MERTK: variants seen among roughly 807,000 people sequenced by gnomAD.
The protein encoded by MERTK is MER proto-oncogene, tyrosine kinase.
Under a neutral mutation model 99.3 loss-of-function variants are expected in MERTK, and 69 were observed. The observed-to-expected ratio is 0.70, with a 90% CI of 0.57 to 0.85. The LOEUF (loss-of-function observed/expected upper bound fraction) is 0.85, where lower values mean the gene tolerates loss of function less well. MERTK is among the 40% of genes least tolerant of loss of function. The pLI, the probability that MERTK is intolerant of heterozygous loss-of-function variation, is 0.00. For synonymous variants in MERTK, 426 were observed against 467.6 expected (o/e 0.91, Z 1.15); for missense variants, 1,125 against 1,249.4 (o/e 0.90, Z 1.50).
chr2:111,919,783 TTTTTCTTTTTC>T (rs1455988141), intron 1 of MERTK, among the ~76,000 whole-genome samples: 1 of 148,518 alleles, frequency 6.7e-6, no homozygotes, highest in Non-Finnish European at 1.5e-5. Flanking sequence ...TTTTTGATGT[TTTTTCTTTTTC>T]TTTTCTTTTT....
At chr2:111,959,380 A>G (rs1410368587) in intron 4 of MERTK, among the ~76,000 whole-genome samples, 1 of 152,098 alleles carries the variant, frequency 6.6e-6, no homozygotes, top group Non-Finnish European at 1.5e-5. Context: ...CAAAAGAAAA[A>G]AGACCTCTCT....
At chr2:111,962,163 G>T (rs887874082) in intron 4 of MERTK, among the ~76,000 whole-genome samples, 1 of 152,174 alleles carries the variant, frequency 6.6e-6, no homozygotes, top group Non-Finnish European at 1.5e-5. Flanking sequence ...AGATATAGAA[G>T]TTTCCAGATT....
At position 111,957,609 on chromosome 2, in the gene MERTK, C is replaced by T. The variant is rs143975819; in HGVS notation, c.758-7582C>T. ...AGGTTATTATTTATTGCCCATTTCT[C>T]CCCCTGAAAATGTGAGCTCTATAAG... On this transcript the variant is annotated intron_variant, in intron 4 of 18. Coordinates refer to ENST00000295408, the MANE Select transcript of MERTK (RefSeq NM_006343.3). Among the ~76,000 whole-genome samples, 828 of 152,290 alleles carry T rather than the reference C, an allele frequency of 5.4e-3. 7 individuals carry two copies. The highest frequency in any genetic ancestry group is 0.019 in the African/African-American group (799 of 41,548).
At chr2:111,911,170 A>G (rs1202318063) in intron 1 of MERTK, among the ~76,000 whole-genome samples, 1 of 152,096 alleles carries the variant, frequency 6.6e-6, no homozygotes, top group African/African-American at 2.4e-5. Flanking sequence ...ACAAGGGGAA[A>G]TGGGTGCTGA....
At chr2:111,914,495 T>C (rs926931033) in intron 1 of MERTK, among the ~76,000 whole-genome samples, 1 of 152,208 alleles carries the variant, frequency 6.6e-6, no homozygotes, top group Non-Finnish European at 1.5e-5. Context: ...GCCATGCTGG[T>C]CTTGAACTCC....
At chr2:112,026,539 T>C (rs1677464541) in intron 18 of MERTK, among the ~76,000 whole-genome samples, 1 of 152,252 alleles carries the variant, frequency 6.6e-6, no homozygotes, top group South Asian at 2.1e-4. Context: ...ACAGAAACCG[T>C]CTGTCAAGTC....
chr2:111,917,653 G>A (rs531581854), intron 1 of MERTK, among the ~76,000 whole-genome samples: 10 of 152,212 alleles, frequency 6.6e-5, no homozygotes, highest in African/African-American at 2.2e-4. Context: ...TTGGGAGGCC[G>A]AGGTGGGCGG....
intron 10 of MERTK, among the ~76,000 whole-genome samples, chr2:111,999,683 A>G (rs1001953719): frequency 6.6e-6 from 1 of 152,320 alleles, no homozygotes; most frequent in Non-Finnish European, 1.5e-5. Context: ...TTCCCCTATT[A>G]TTAACAGCTT....
chr2:111,993,856 G>C (rs774316331), intron 8 of MERTK, among the ~76,000 whole-genome samples: 1 of 152,200 alleles, frequency 6.6e-6, no homozygotes, highest in Admixed American at 6.5e-5. Context: ...TCAAGGGCAG[G>C]TGGCAGGTGG....
At chr2:111,954,161 C>T (rs1685105961) in intron 4 of MERTK, among the ~76,000 whole-genome samples, 1 of 152,206 alleles carries the variant, frequency 6.6e-6, no homozygotes, top group African/African-American at 2.4e-5. Context: ...GTCTGAGACC[C>T]ATTGGGGCTT....
chr2:112,025,493 C>T (rs555939464), intron 18 of MERTK, among the ~76,000 whole-genome samples: 1 of 152,326 alleles, frequency 6.6e-6, no homozygotes, highest in East Asian at 1.9e-4. Context: ...TTATATCCAC[C>T]TTCCCCATCT....
In MERTK at chr2:111,929,738, C is replaced by T. The variant is rs527958949; in HGVS notation, c.482+198C>T. 1.2e-4 allele frequency among the ~76,000 whole-genome samples: 17 copies of T among 146,256 alleles called. No individual in the cohort carries two copies. In the South Asian group the frequency reaches 3.7e-3, roughly 32 times the overall value. On this transcript the variant is annotated intron_variant, in intron 2 of 18. Transcript: ENST00000295408. ...CGTAGCTGGGATTACAGGCGCCCAC[C>T]ACCACACCCAGCTAATTTTTTTTTT...
At chr2:111,914,101 C>CTTTTTTTTTTTTTTTTT (rs765850254) in intron 1 of MERTK, among the ~76,000 whole-genome samples, 41 of 94,458 alleles carry the variant, frequency 4.3e-4, no homozygotes, top group South Asian at 6.4e-4. Flanking sequence ...TTCTTTCTTT[C>CTTTTTTTTTTTTTTTTT]TTTTTTTTTT....
chr2:111,923,459 G>A (rs890102882), intron 1 of MERTK, among the ~76,000 whole-genome samples: 2 of 152,172 alleles, frequency 1.3e-5, no homozygotes, highest in Admixed American at 6.5e-5. Flanking sequence ...GTGGCCCCTG[G>A]AGTTGGTAAA....
intron 2 of MERTK, among the ~76,000 whole-genome samples, chr2:111,942,158 A>G (rs1321958441): frequency 2.6e-5 from 4 of 152,204 alleles, no homozygotes; most frequent in Middle Eastern, 3.4e-3. Flanking sequence ...CGGGTCCCAG[A>G]CCTTGAGGCA....
At chr2:111,957,978 T>C (rs1489323574) in intron 4 of MERTK, among the ~76,000 whole-genome samples, 1 of 152,208 alleles carries the variant, frequency 6.6e-6, no homozygotes, top group East Asian at 1.9e-4. Context: ...GAACATCCTG[T>C]TACTGAATGT....
intron 9 of MERTK, among the ~76,000 whole-genome samples, chr2:111,995,980 C>T (rs914550234): frequency 2.0e-5 from 3 of 152,014 alleles, no homozygotes; most frequent in Non-Finnish European, 2.9e-5. Context: ...AGAACAAAGA[C>T]AATGAGATTC....
intron 16 of MERTK, chr2:112,020,520 CCTT>C (rs1019748982): frequency 8.6e-6 from 4 of 463,630 alleles, no homozygotes; most frequent in African/African-American, 2.0e-5. Flanking sequence ...TTCTCCTCTT[CCTT>C]CTTCTTGTGT....
chr2:112,028,243 A>G, intron 18 of MERTK, 108 bp from the exon 19 acceptor site: 2 of 1,220,594 alleles, frequency 1.6e-6, no homozygotes, highest in Non-Finnish European at 2.4e-6. Context: ...AAAAAGTAGA[A>G]TGAATGCTGA....
Sources: gnomAD v4.1 joint callset for allele counts (sites outside exome capture counted in the v4.1 genomes callset) on GRCh38, gnomAD v4.1.1 for gene constraint, MANE v1.5 for transcripts, NCBI Gene and HGNC (gene_info 2026-07-23, HGNC 2026-07-21) for gene names.